Variants in MARCHF11 observed in about 807,000 individuals in gnomAD.
MARCHF11 encodes the protein membrane associated ring-CH-type finger 11, also known as E3 ubiquitin-protein ligase MARCHF11.
Under a neutral mutation model 37.3 loss-of-function variants are expected in MARCHF11, and 29 were observed. The observed-to-expected ratio is 0.78, with a 90% CI of 0.58 to 1.06. MARCHF11 has a LOEUF of 1.06. MARCHF11 is among the 50% of genes least tolerant of loss of function. MARCHF11 has a pLI of 0.00. For missense variants in MARCHF11, 482 were observed against 533.4 expected, an observed-to-expected ratio of 0.90 and a Z score of 0.95; for synonymous variants, 233 against 228.0, an observed-to-expected ratio of 1.02 and a Z score of -0.20.
At chr5:16,128,769 T>C (rs550433012) in intron 2 of MARCHF11, among the ~76,000 whole-genome samples, 1 of 152,328 alleles carries the variant, frequency 6.6e-6, no homozygotes, top group South Asian at 2.1e-4. Flanking sequence ...TGTATGCATG[T>C]GTGTGTGACA....
chr5:16,176,167 T>A (rs76424792), intron 2 of MARCHF11, among the ~76,000 whole-genome samples: 20,241 of 151,950 alleles, frequency 0.13, 1,386 homozygotes, highest in South Asian at 0.21. Context: ...TCTATTTACT[T>A]CAAAATTAAT....
chr5:16,103,999 A>G (rs550535229), intron 2 of MARCHF11, among the ~76,000 whole-genome samples: 4 of 152,304 alleles, frequency 2.6e-5, no homozygotes, highest in South Asian at 2.1e-4. Flanking sequence ...TTCGGACCAT[A>G]AAATTGTGAG....
intron 2 of MARCHF11, among the ~76,000 whole-genome samples, chr5:16,102,299 C>T (rs1736970142): frequency 6.6e-6 from 1 of 152,188 alleles, no homozygotes; most frequent in South Asian, 2.1e-4. Flanking sequence ...TAAGATGACA[C>T]TGATACGTAC....
chr5:16,147,783 C>CT (rs1262073437), intron 2 of MARCHF11, among the ~76,000 whole-genome samples: 1 of 152,118 alleles, frequency 6.6e-6, no homozygotes, highest in Non-Finnish European at 1.5e-5. Flanking sequence ...TAATACACTG[C>CT]ACACTGGTTT....
At chr5:16,068,721 G>A (rs1225716450) in intron 3 of MARCHF11, among the ~76,000 whole-genome samples, 1 of 152,218 alleles carries the variant, frequency 6.6e-6, no homozygotes, top group African/African-American at 2.4e-5. Flanking sequence ...ACATTTCAGC[G>A]TGTTGTCCAA....
intron 3 of MARCHF11, 122 bp from the exon 4 acceptor site, chr5:16,067,915 G>T: frequency 1.2e-6 from 1 of 861,228 alleles, no homozygotes; most frequent in Non-Finnish European, 1.7e-6. Flanking sequence ...CAAAAATACA[G>T]TATTCTGTTT....
intron 3 of MARCHF11, among the ~76,000 whole-genome samples, chr5:16,080,670 G>A (rs1736593220): frequency 6.6e-6 from 1 of 152,028 alleles, no homozygotes; most frequent in Non-Finnish European, 1.5e-5. Flanking sequence ...TGCTCTTAGC[G>A]CCCCCACCCC....
intron 2 of MARCHF11, among the ~76,000 whole-genome samples, chr5:16,157,066 C>T (rs547050103): frequency 9.9e-5 from 15 of 151,832 alleles, no homozygotes; most frequent in South Asian, 2.1e-4. Context: ...CCATGCAAAA[C>T]GCAGTGAACT....
Position 16,067,557 on chromosome 5 carries a change from G to T in MARCHF11, c.1123C>A (p.His375Asn), listed in dbSNP as rs775153356. The T allele has an allele frequency of 6.2e-7, 1 of 1,613,914 alleles. No homozygotes were observed. Among genetic ancestry groups the T allele is most frequent in the South Asian group, 1.1e-5 (1 of 91,082 alleles). The change falls in exon 4 of 4, where the codon CAC (histidine) becomes AAC (asparagine). Residue 375 changes from histidine (H) to asparagine (N), a missense_variant. His to Asn is a moderately conservative substitution (Grantham distance 68, BLOSUM62 1). Coordinates refer to ENST00000332432, the MANE Select transcript of MARCHF11 (RefSeq NM_001102562.3). Reference protein sequence around the residue: ...PRFQCGYVLLHLFNRMRPHED... With the variant: ...PRFQCGYVLLNLFNRMRPHED... ...TGGGGCCTCATCCGATTGAACAGGT[G>T]CAATAACACATAGCCACACTGAAAC...
At chr5:16,108,146 ACAT>A (rs1737076085) in intron 2 of MARCHF11, among the ~76,000 whole-genome samples, 1 of 152,206 alleles carries the variant, frequency 6.6e-6, no homozygotes, top group Admixed American at 6.5e-5. Flanking sequence ...GCACACTGTA[ACAT>A]GCTTCCTTGG....
chr5:16,121,188 A>G (rs1737303448), intron 2 of MARCHF11, among the ~76,000 whole-genome samples: 1 of 152,216 alleles, frequency 6.6e-6, no homozygotes, highest in Non-Finnish European at 1.5e-5. Context: ...ATGATCCATC[A>G]GTGAGGCCCT....
At chr5:16,084,799 AGAT>A (rs1444979070) in intron 3 of MARCHF11, among the ~76,000 whole-genome samples, 2 of 151,930 alleles carry the variant, frequency 1.3e-5, no homozygotes, top group Non-Finnish European at 2.9e-5. Context: ...TACAATAAGA[AGAT>A]ATTTTTATCT....
At chr5:16,178,891 T>C in intron 1 of MARCHF11, 148 bp downstream of exon 1, 1 of 920,444 alleles carries the variant, frequency 1.1e-6, no homozygotes, top group Non-Finnish European at 1.5e-6. Context: ...GGGGAAGGCA[T>C]ATTGGAGCCA....
chr5:16,067,582 C>A lies in MARCHF11; in HGVS notation c.1098G>T (p.Arg366Ser), dbSNP rs373564376. Reference protein sequence around the residue: ...LVHPTQLTSPRFQCGYVLLHL... With the variant: ...LVHPTQLTSPSFQCGYVLLHL... ...GCAATAACACATAGCCACACTGAAA[C>A]CTTGGTGAGGTTAACTGAGTTGGGT... is the stretch of plus-strand genomic sequence containing the variant. Residue 366 changes from arginine to serine, a missense_variant, in exon 4 of 4, where the codon AGG (arginine) becomes AGT (serine). Arg to Ser is a moderately radical substitution (Grantham distance 110). Coordinates refer to ENST00000332432, the MANE Select transcript of MARCHF11 (RefSeq NM_001102562.3). 25 of 1,613,930 alleles carry A rather than the reference C, an allele frequency of 1.5e-5. No homozygotes were observed. In the East Asian group the frequency reaches 5.6e-4, roughly 36 times the overall value.
At chr5:16,102,603 C>T (rs1404802679) in intron 2 of MARCHF11, among the ~76,000 whole-genome samples, 2 of 152,222 alleles carry the variant, frequency 1.3e-5, no homozygotes, top group Non-Finnish European at 2.9e-5. Context: ...CAGGGGAAGA[C>T]TGCCTTCCCA....
At chr5:16,169,652 G>A (rs920507711) in intron 2 of MARCHF11, among the ~76,000 whole-genome samples, 15 of 152,216 alleles carry the variant, frequency 9.9e-5, no homozygotes, top group African/African-American at 3.6e-4. Context: ...GCTAAATCAT[G>A]TGGAACAGCT....
At chr5:16,103,174 T>C (rs921843431) in intron 2 of MARCHF11, among the ~76,000 whole-genome samples, 3 of 150,528 alleles carry the variant, frequency 2.0e-5, no homozygotes, top group Admixed American at 6.6e-5. Flanking sequence ...TATGCACTCA[T>C]AGAGAAAAGT....
At chr5:16,173,465 G>C (rs1738306650) in intron 2 of MARCHF11, among the ~76,000 whole-genome samples, 1 of 152,144 alleles carries the variant, frequency 6.6e-6, no homozygotes, top group Non-Finnish European at 1.5e-5. Context: ...CTCCAATAAG[G>C]ACATAAATAA....
chr5:16,154,149 T>A (rs1226305738), intron 2 of MARCHF11, among the ~76,000 whole-genome samples: 3 of 152,074 alleles, frequency 2.0e-5, no homozygotes, highest in Middle Eastern at 6.8e-3. Flanking sequence ...ACCAATAGCA[T>A]CTAAACCAAA....
Sources: allele counts gnomAD v4.1 joint callset (sites outside exome capture counted in the v4.1 genomes callset), GRCh38; gene constraint gnomAD v4.1.1; transcripts MANE v1.5; gene names NCBI Gene and HGNC (gene_info 2026-07-23, HGNC 2026-07-21).